Variants in ADCY10 observed in about 807,000 individuals in gnomAD.
ADCY10 encodes adenylate cyclase type 10.
A neutral mutation model predicts 183.3 loss-of-function variants in ADCY10; 156 were observed. The ratio of observed to expected loss-of-function variants is 0.85; its 90% CI spans 0.75 to 0.97. ADCY10 has a LOEUF of 0.97. Ranked by LOEUF, ADCY10 falls within the 50% of genes least tolerant of loss-of-function variation. The probability of loss-of-function intolerance (pLI) is 0.00; values close to 1 mark genes in which losing one functional copy is unlikely to be tolerated. For missense variants in ADCY10, 1,745 were observed against 1,934.3 expected (o/e 0.90, Z 1.84); for synonymous variants, 645 against 670.0 (o/e 0.96, Z 0.58).
chr1:167,852,034 T>C (rs941141383), intron 18 of ADCY10, among the ~76,000 whole-genome samples: 25 of 152,174 alleles, frequency 1.6e-4, no homozygotes, highest in Non-Finnish European at 3.1e-4. Context: ...CGGCCTGTAG[T>C]GCATTCACAA....
chr1:167,834,420 C>T (rs1426210145), intron 23 of ADCY10: 1 of 379,828 alleles, frequency 2.6e-6, no homozygotes, highest in African/African-American at 2.1e-5. Flanking sequence ...CCCCAACCTC[C>T]CTATTCCCAA....
At chr1:167,880,238 G>A (rs375777134) in intron 10 of ADCY10, 47 bp from the exon 11 acceptor site, 9 of 1,504,860 alleles carry the variant, frequency 6.0e-6, no homozygotes, top group Non-Finnish European at 7.4e-6. Flanking sequence ...TAAAGATAAT[G>A]AGCGTAGAGA....
At chr1:167,858,402 G>A (rs1318383415) in intron 16 of ADCY10, among the ~76,000 whole-genome samples, 2 of 150,922 alleles carry the variant, frequency 1.3e-5, no homozygotes, top group South Asian at 2.1e-4. Context: ...GGAGGCTGAG[G>A]CAGGAGAATC....
Position 167,883,487 on chromosome 1 carries a change from C to G in ADCY10, c.970G>C (p.Val324Leu), listed in dbSNP as rs1377555087. ...ATTTGGCCTTGGAAGATCTTCAGGACAGAAGTGATGTGCATATAGGCATCC... is the reference window on the plus strand; with the variant it reads ...ATTTGGCCTTGGAAGATCTTCAGGAGAGAAGTGATGTGCATATAGGCATCC... ...IQDAYMHITS[V>L]LKIFQGQINK... Residue 324 changes from valine to leucine, a missense_variant, in exon 9 of 33, where the codon GTC becomes CTC. Physicochemically the swap from Val to Leu is conservative, Grantham distance 32. Coordinates refer to ENST00000367851, the MANE Select transcript of ADCY10 (RefSeq NM_018417.6). 6.2e-7 allele frequency: 1 copy of G among 1,614,122 alleles called. No individual in the cohort carries two copies. The highest frequency in any genetic ancestry group is 1.3e-5 in the African/African-American group (1 of 74,956).
chr1:167,811,056 A>G, intron 31 of ADCY10, 143 bp from the exon 32 acceptor site: 2 of 767,170 alleles, frequency 2.6e-6, no homozygotes, highest in Non-Finnish European at 4.3e-6. Context: ...CATACACAGT[A>G]GGTATTGGAG....
chr1:167,855,967 C>T (rs1218297782), intron 17 of ADCY10, among the ~76,000 whole-genome samples, 198 bp downstream of exon 17: 1 of 152,140 alleles, frequency 6.6e-6, no homozygotes, highest in Non-Finnish European at 1.5e-5. Context: ...GGCACCACTA[C>T]ACTTCAGCCT....
intron 11 of ADCY10, among the ~76,000 whole-genome samples, chr1:167,879,170 C>T (rs1024229810): frequency 6.6e-6 from 1 of 152,198 alleles, no homozygotes; most frequent in Non-Finnish European, 1.5e-5. Flanking sequence ...CAGCTCTACC[C>T]CTAACTATGT....
At chr1:167,809,883 G>C in intron 32 of ADCY10, 44 bp from the exon 33 acceptor site, 1 of 1,596,536 alleles carries the variant, frequency 6.3e-7, no homozygotes, top group Non-Finnish European at 8.6e-7. Flanking sequence ...AGTGCTTCTT[G>C]ACTTTTGTAA....
At chr1:167,846,415 T>C in intron 19 of ADCY10, 152 bp from the exon 20 acceptor site, 1 of 965,184 alleles carries the variant, frequency 1.0e-6, no homozygotes, top group Non-Finnish European at 1.6e-6. Flanking sequence ...ATTTGTTTAG[T>C]ACCTAATTTG....
chr1:167,887,964 C>T (rs1668344664), intron 8 of ADCY10, among the ~76,000 whole-genome samples: 1 of 152,076 alleles, frequency 6.6e-6, no homozygotes, highest in Admixed American at 6.5e-5. Flanking sequence ...TTGTATATAG[C>T]AAGAGATAGG....
chr1:167,822,626 C>CA lies in ADCY10; in HGVS notation c.4168+381dup, dbSNP rs200425245. Among the ~76,000 whole-genome samples the CA allele has an allele frequency of 6.8e-4, 103 of 152,284 alleles. No homozygotes were observed. The East Asian group carries it at 0.012, about 18-fold the overall frequency. On this transcript the variant is annotated intron_variant, in intron 29 of 32. Coordinates refer to ENST00000367851, the MANE Select transcript of ADCY10 (RefSeq NM_018417.6). ...CCAATAGCTACCAGCCTGGAACTCT[C>CA]ACCTCAAGCAATCTAGTCCTTCATT... is the stretch of plus-strand genomic sequence containing the variant.
chr1:167,913,203 G>GA (rs1346649156), intron 1 of ADCY10, among the ~76,000 whole-genome samples: 2 of 152,172 alleles, frequency 1.3e-5, no homozygotes, highest in African/African-American at 4.8e-5. Flanking sequence ...GCAAGCAGGC[G>GA]AATGAGGCCC....
intron 1 of ADCY10, among the ~76,000 whole-genome samples, chr1:167,906,750 C>T (rs192388056): frequency 6.6e-6 from 1 of 152,172 alleles, no homozygotes; most frequent in East Asian, 1.9e-4. Flanking sequence ...GATCGTGTCA[C>T]TGCACTCTAT....
chr1:167,830,789 C>T (rs1663666369), intron 25 of ADCY10, among the ~76,000 whole-genome samples: 1 of 152,198 alleles, frequency 6.6e-6, no homozygotes, highest in East Asian at 1.9e-4. Context: ...CTGCTTAGGG[C>T]AAACCTGCCT....
chr1:167,852,794 A>G (rs1350216507), intron 18 of ADCY10, among the ~76,000 whole-genome samples: 1 of 151,624 alleles, frequency 6.6e-6, no homozygotes, highest in Non-Finnish European at 1.5e-5. Context: ...AAAAAAAGGT[A>G]GAGCTTTGCC....
chr1:167,875,676 C>T (rs528822850), intron 12 of ADCY10, among the ~76,000 whole-genome samples: 2 of 152,306 alleles, frequency 1.3e-5, no homozygotes, highest in East Asian at 1.9e-4. Context: ...CTTGGCTGGG[C>T]GCAGTGACTC....
chr1:167,861,323 T>C (rs1666266088), intron 14 of ADCY10, among the ~76,000 whole-genome samples: 2 of 152,338 alleles, frequency 1.3e-5, no homozygotes, highest in South Asian at 2.1e-4. Flanking sequence ...AGCAAGCCAC[T>C]ACCCCCATCC....
intron 28 of ADCY10, 34 bp downstream of exon 28, chr1:167,824,442 C>A (rs1348834950): frequency 2.5e-6 from 4 of 1,570,288 alleles, no homozygotes; most frequent in Non-Finnish European, 2.6e-6. Flanking sequence ...CGGCCTCCTC[C>A]CCCTAATTTT....
At chr1:167,878,660 A>C in intron 11 of ADCY10, 25 bp from the exon 12 acceptor site, 1 of 1,607,688 alleles carries the variant, frequency 6.2e-7, no homozygotes, top group Non-Finnish European at 8.5e-7. Context: ...AGAAAGTCAA[A>C]GATCAGGGAA....
Sources: gnomAD v4.1 joint callset for allele counts (sites outside exome capture counted in the v4.1 genomes callset) on GRCh38, gnomAD v4.1.1 for gene constraint, MANE v1.5 for transcripts, NCBI Gene and HGNC (gene_info 2026-07-23, HGNC 2026-07-21) for gene names.